The following DLGAP2 variants were observed in gnomAD, a reference collection of about 807,000 sequenced individuals.
DLGAP2 encodes DLG associated protein 2, also known as disks large-associated protein 2.
A neutral mutation model predicts 100.3 loss-of-function variants in DLGAP2; 26 were observed. The observed-to-expected ratio is 0.26, with a 90% confidence interval of 0.19 to 0.36. The LOEUF is 0.36. Among genes scored for constraint, DLGAP2 ranks in the 10% least tolerant of loss-of-function variants. The probability of loss-of-function intolerance (pLI) is 1.00; values close to 1 mark genes in which losing one functional copy is unlikely to be tolerated. For synonymous variants in DLGAP2, 886 were observed against 630.1 expected (o/e 1.41, Z -6.08); for missense variants, 1,858 against 1,453.2 (o/e 1.28, Z -4.53).
At chr8:1,391,972 G>A (rs556309424) in intron 3 of DLGAP2, among the ~76,000 whole-genome samples, 73 of 152,222 alleles carry the variant, frequency 4.8e-4, no homozygotes, top group Non-Finnish European at 9.1e-4. Flanking sequence ...TGATGCTGTA[G>A]GATCTTTCAG....
chr8:1,144,184 G>A (rs538218273), intron 2 of DLGAP2, among the ~76,000 whole-genome samples: 9 of 152,322 alleles, frequency 5.9e-5, no homozygotes, highest in African/African-American at 2.2e-4. Context: ...GCTTCCAGCG[G>A]GCGCGTTTTC....
intron 2 of DLGAP2, among the ~76,000 whole-genome samples, chr8:1,125,185 ATACT>A (rs1037624806): frequency 1.3e-5 from 2 of 152,168 alleles, no homozygotes; most frequent in African/African-American, 4.8e-5. Flanking sequence ...ACAAAATGAG[ATACT>A]TACAGCTTCC....
At chr8:1,097,518 C>G (rs539593770) in intron 2 of DLGAP2, among the ~76,000 whole-genome samples, 1 of 137,986 alleles carries the variant, frequency 7.2e-6, no homozygotes, top group East Asian at 2.3e-4. Context: ...GAGGTCCCCT[C>G]CAGCGTGAGA....
chr8:1,253,980 C>T (rs996311477), intron 2 of DLGAP2, among the ~76,000 whole-genome samples: 2 of 152,184 alleles, frequency 1.3e-5, no homozygotes, highest in Non-Finnish European at 2.9e-5. Context: ...AGTTTTGACG[C>T]ATATTTTGGT....
At chr8:1,563,893 T>C (rs1246389152) in intron 5 of DLGAP2, among the ~76,000 whole-genome samples, 2 of 152,176 alleles carry the variant, frequency 1.3e-5, no homozygotes, top group Non-Finnish European at 2.9e-5. Context: ...CCTTTTCTGA[T>C]GATATAAGTA....
chr8:1,226,412 C>G (rs146516774), intron 2 of DLGAP2, among the ~76,000 whole-genome samples: 1 of 152,024 alleles, frequency 6.6e-6, no homozygotes, highest in Non-Finnish European at 1.5e-5. Flanking sequence ...TAAGTGGGAG[C>G]TGAACAATGA....
chr8:1,050,122 A>G (rs2129032702), intron 2 of DLGAP2, among the ~76,000 whole-genome samples: 1 of 152,398 alleles, frequency 6.6e-6, no homozygotes, highest in Non-Finnish European at 1.5e-5. Flanking sequence ...ATATGCAGGC[A>G]GTCACAGCCA....
intron 1 of DLGAP2, among the ~76,000 whole-genome samples, chr8:867,231 G>A (rs1797515386): frequency 6.6e-6 from 1 of 152,228 alleles, no homozygotes; most frequent in Non-Finnish European, 1.5e-5. Flanking sequence ...AGTTTTCTTT[G>A]GGTCTTTCCT....
At chr8:859,671 G>C (rs530477449) in intron 1 of DLGAP2, among the ~76,000 whole-genome samples, 1 of 152,246 alleles carries the variant, frequency 6.6e-6, no homozygotes, top group East Asian at 1.9e-4. Context: ...CCTTCGGTGA[G>C]GAGCCAGGTC....
intron 6 of DLGAP2, among the ~76,000 whole-genome samples, chr8:1,603,471 A>G (rs1380498593): frequency 6.7e-6 from 1 of 148,780 alleles, no homozygotes; most frequent in East Asian, 2.0e-4. Context: ...TCAGTTCTGT[A>G]GAGGCTGGTT....
At chr8:1,175,767 C>A (rs956385417) in intron 2 of DLGAP2, among the ~76,000 whole-genome samples, 1 of 152,190 alleles carries the variant, frequency 6.6e-6, no homozygotes, top group African/African-American at 2.4e-5. Context: ...GTCATTCACC[C>A]TATACCTCAT....
chr8:856,867 C>T (rs1797288882), intron 1 of DLGAP2, among the ~76,000 whole-genome samples: 1 of 152,178 alleles, frequency 6.6e-6, no homozygotes, highest in African/African-American at 2.4e-5. Flanking sequence ...TGGATATCAA[C>T]AAATTGATCC....
chr8:753,861 G>A (rs1054322286), intron 1 of DLGAP2: 4 of 152,232 alleles, frequency 2.6e-5, no homozygotes, highest in Admixed American at 6.5e-5. Context: ...GGGCCGCCGT[G>A]GGGTCGGCCG....
chr8:1,044,481 C>A (rs999775761), intron 2 of DLGAP2, among the ~76,000 whole-genome samples: 1 of 152,196 alleles, frequency 6.6e-6, no homozygotes, highest in Admixed American at 6.5e-5. Context: ...CTGGCTTAAA[C>A]GCAGTCCTAG....
intron 6 of DLGAP2, among the ~76,000 whole-genome samples, chr8:1,599,174 GT>G (rs905245381): frequency 6.6e-6 from 1 of 152,192 alleles, no homozygotes; most frequent in African/African-American, 2.4e-5. Flanking sequence ...TAGTTGTGCA[GT>G]TTTGAGTGAG....
At chr8:1,685,979 G>A (rs549857739) in intron 12 of DLGAP2, among the ~76,000 whole-genome samples, 18 of 152,292 alleles carry the variant, frequency 1.2e-4, no homozygotes, top group African/African-American at 4.3e-4. Context: ...CTGCTGGTTG[G>A]AATATGAAGT....
At chr8:1,430,552 C>A (rs954643210) in intron 3 of DLGAP2, among the ~76,000 whole-genome samples, 1 of 152,070 alleles carries the variant, frequency 6.6e-6, no homozygotes, top group African/African-American at 2.4e-5. Context: ...TCAGACAAAC[C>A]CCATTGCTTC....
At chr8:856,430 TG>T (rs1332262482) in intron 1 of DLGAP2, among the ~76,000 whole-genome samples, 1 of 152,094 alleles carries the variant, frequency 6.6e-6, no homozygotes, top group African/African-American at 2.4e-5. Context: ...TGAGGTGATC[TG>T]CCCACCTCGG....
At chr8:1,429,013 G>C (rs1205391286) in intron 3 of DLGAP2, among the ~76,000 whole-genome samples, 1 of 152,206 alleles carries the variant, frequency 6.6e-6, no homozygotes, top group Non-Finnish European at 1.5e-5. Flanking sequence ...TATTTGAACA[G>C]ACAGCAGTTC....
Sources: gnomAD v4.1 joint callset for allele counts (sites outside exome capture counted in the v4.1 genomes callset) on GRCh38, gnomAD v4.1.1 for gene constraint, MANE v1.5 for transcripts, NCBI Gene and HGNC (gene_info 2026-07-23, HGNC 2026-07-21) for gene names.